ADGRF1: variants seen among roughly 807,000 people sequenced by gnomAD.
ADGRF1 encodes the protein G protein-coupled receptor 110.
In ADGRF1, 85 loss-of-function variants were observed where a neutral mutation model predicts 87.2. The observed-to-expected ratio is 0.97, with a 90% CI of 0.82 to 1.17. The LOEUF (loss-of-function observed/expected upper bound fraction) is 1.17. ADGRF1 is among the 50% of genes most tolerant of loss of function. The pLI, the probability that ADGRF1 is intolerant of heterozygous loss-of-function variation, is 0.00. For missense variants in ADGRF1, 1,169 were observed against 1,077.2 expected (o/e 1.09, Z -1.19); for synonymous variants, 430 against 408.8 (o/e 1.05, Z -0.63).
chr6:47,014,672 A>C lies in ADGRF1; in HGVS notation c.927+9T>G, dbSNP rs1432848070. On this transcript the variant is annotated intron_variant, in intron 9 of 14. Coordinates refer to ENST00000371253, the MANE Select transcript of ADGRF1 (RefSeq NM_153840.4). ...ACCAGGGCAAGTCTACACAGTGAAAATGCCTCACCTTGTTCAGTTCTTCAA... is the reference window on the plus strand; with the variant it reads ...ACCAGGGCAAGTCTACACAGTGAAACTGCCTCACCTTGTTCAGTTCTTCAA... 1 of 1,612,636 alleles carries C rather than the reference A, an allele frequency of 6.2e-7. No homozygotes were observed. The highest frequency in any genetic ancestry group is 1.1e-5 in the South Asian group (1 of 90,824).
At chr6:47,020,898 G>C (rs1219015651) in intron 6 of ADGRF1, 109 bp from the exon 7 acceptor site, 1 of 801,368 alleles carries the variant, frequency 1.2e-6, no homozygotes, top group African/African-American at 1.7e-5. Flanking sequence ...TAGCAAAGGA[G>C]CAAAGAAAAG....
Position 47,009,084 on chromosome 6 carries a change from G to A in ADGRF1, c.2351C>T (p.Ala784Val). Residue 784 changes from alanine to valine, a missense_variant, in exon 11 of 15, where the codon GCC (alanine) becomes GTC (valine). By Grantham distance (64) the Ala-to-Val change is moderately conservative. Transcript: ENST00000371253. ...VGERLSRDDKATIIRVGKSLL... is the reference protein window; with the variant it reads ...VGERLSRDDKVTIIRVGKSLL... Reference sequence around the variant, plus strand: ...GCTCTTCCCCACGCGGATGATGGTGGCCTTGTCATCCCGACTCAGTCTTTC... The same window carrying A: ...GCTCTTCCCCACGCGGATGATGGTGACCTTGTCATCCCGACTCAGTCTTTC... The A allele has an allele frequency of 6.2e-7, 1 of 1,614,050 alleles. No individual in the cohort carries two copies. Among genetic ancestry groups the A allele is most frequent in the Non-Finnish European group, 8.5e-7 (1 of 1,180,002 alleles).
At position 47,009,072 on chromosome 6, in the gene ADGRF1, C is replaced by CGGAT. The variant is rs780186667; in HGVS notation, c.2359_2362dup (p.Arg788HisfsTer58). 6.2e-7 allele frequency: 1 copy of CGGAT among 1,614,078 alleles called. No homozygotes were observed. The highest frequency in any genetic ancestry group is 1.7e-5 in the Admixed American group (1 of 60,006). On this transcript the variant is annotated frameshift_variant, in exon 11 of 15. Transcript: ENST00000371253. LOFTEE classifies it high-confidence loss of function. ...CAGAATGAGGAGGCTCTTCCCCACGCGGATGATGGTGGCCTTGTCATCCCG... is the reference window on the plus strand; with the variant it reads ...CAGAATGAGGAGGCTCTTCCCCACGCGGATGGATGATGGTGGCCTTGTCATCCCG...
chr6:47,011,640 G>A (rs1028510024), intron 10 of ADGRF1, among the ~76,000 whole-genome samples: 2 of 152,166 alleles, frequency 1.3e-5, no homozygotes, highest in African/African-American at 4.8e-5. Context: ...GTTGAGAGAA[G>A]GTGTTATGAA....
chr6:47,032,449 T>C (rs1402246278), intron 1 of ADGRF1, among the ~76,000 whole-genome samples: 1 of 152,240 alleles, frequency 6.6e-6, no homozygotes, highest in Non-Finnish European at 1.5e-5. Flanking sequence ...TCTAAAATTA[T>C]TTGTGTCTTA....
rs149395001 is a variant in ADGRF1, at chr6:47,012,180, C to T, written c.943G>A (p.Val315Ile). 3 of 1,608,956 alleles carry T rather than the reference C, an allele frequency of 1.9e-6. No homozygotes were observed. The African/African-American group carries it at 4.0e-5, about 21-fold the overall frequency. The change falls in exon 10 of 15, where the codon GTA (valine) becomes ATA (isoleucine). Residue 315 changes from valine (V) to isoleucine (I), a missense_variant. Coordinates refer to ENST00000371253, the MANE Select transcript of ADGRF1 (RefSeq NM_153840.4). ...EELNKNFSMI[V>I]GNATEAAVSS... ...ACAGCTGCCTCAGTGGCATTGCCTA[C>T]AATCATACTGAAATTCTAGAAGCGA...
intron 5 of ADGRF1, among the ~76,000 whole-genome samples, chr6:47,023,464 A>G (rs1780128813): frequency 6.6e-6 from 1 of 152,200 alleles, no homozygotes; most frequent in Non-Finnish European, 1.5e-5. Context: ...CCTGGAGTCC[A>G]TGTCATTTGG....
intron 1 of ADGRF1, among the ~76,000 whole-genome samples, chr6:47,038,587 G>T (rs1210998791): frequency 6.6e-6 from 1 of 152,120 alleles, no homozygotes; most frequent in Non-Finnish European, 1.5e-5. Flanking sequence ...ATTTCTTTGT[G>T]TTGGGAACAT....
rs1277924259 is a variant in ADGRF1, at chr6:47,037,585, G to A, written c.-44+4606C>T. On this transcript the variant is annotated intron_variant, in intron 1 of 14. Coordinates refer to ENST00000371253, the MANE Select transcript of ADGRF1 (RefSeq NM_153840.4). ...TGCCGTGCCATGATCATAGCTCACT[G>A]TAGCCCCATCCTGGGCTCAAATGAT... Among the ~76,000 whole-genome samples the A allele has an allele frequency of 2.0e-5, 3 of 152,154 alleles. No homozygotes were observed. The East Asian group carries it at 5.8e-4, about 29-fold the overall frequency.
chr6:47,006,757 T>C (rs958401657), intron 12 of ADGRF1, among the ~76,000 whole-genome samples: 5 of 152,204 alleles, frequency 3.3e-5, no homozygotes, highest in Admixed American at 1.3e-4. Context: ...ATCACCCACT[T>C]ATGAGTGAAA....
chr6:47,034,023 G>A (rs1254712873), intron 1 of ADGRF1, among the ~76,000 whole-genome samples: 8 of 152,304 alleles, frequency 5.3e-5, no homozygotes, highest in Non-Finnish European at 1.2e-4. Flanking sequence ...TTGTAAACAC[G>A]TTTTATATTT....
rs199957615 is a variant in ADGRF1, at chr6:47,029,098, T to C, written c.-37A>G. ...TGAACAGCAGCAGTCGGGTGCATAG[T>C]CTGTGACTAAACAAGCAGGGTACCA... is the stretch of plus-strand genomic sequence containing the variant. On this transcript the variant is annotated 5_prime_UTR_variant, in exon 2 of 15. Coordinates refer to ENST00000371253, the MANE Select transcript of ADGRF1 (RefSeq NM_153840.4). 654 of 1,553,990 alleles carry C rather than the reference T, an allele frequency of 4.2e-4. 1 individual carries two copies. The highest frequency in any genetic ancestry group is 5.3e-4 in the Non-Finnish European group (597 of 1,125,260).
chr6:47,008,987 A>G lies in ADGRF1; in HGVS notation c.2448T>C (p.Asn816=), dbSNP rs1779609405. The change falls in exon 11 of 15, where the codon AAT becomes AAC. Residue 816 remains asparagine, a synonymous_variant. Coordinates refer to ENST00000371253, the MANE Select transcript of ADGRF1 (RefSeq NM_153840.4). ...AAGCAAAAATAACATGCCAAGCCAG[A>G]TTCTGGCTGTCCACTATTGTTCCTA... The part of the protein sequence containing the change: ...FGIGTIVDSQ[N]LAWHVIFALL... 1.2e-6 allele frequency: 2 copies of G among 1,610,336 alleles called. No individual in the cohort carries two copies. The highest frequency in any genetic ancestry group is 1.7e-6 in the Non-Finnish European group (2 of 1,177,344).
chr6:47,019,527 C>A (rs909611808), intron 7 of ADGRF1: 1 of 334,288 alleles, frequency 3.0e-6, no homozygotes, highest in Non-Finnish European at 4.2e-6. Context: ...ACGAAAAATA[C>A]AAAAAAATTA....
At chr6:47,013,549 C>G (rs1779771127) in intron 9 of ADGRF1, 2 of 985,392 alleles carry the variant, frequency 2.0e-6, no homozygotes, top group Non-Finnish European at 2.4e-6. Flanking sequence ...TGGGGTCCTT[C>G]TTTTCTGTGA....
At chr6:47,019,193 T>A (rs897783369) in intron 7 of ADGRF1, 14 of 704,704 alleles carry the variant, frequency 2.0e-5, no homozygotes, top group Middle Eastern at 7.2e-4. Context: ...TGATAGAATA[T>A]AAATTAGAAG....
intron 9 of ADGRF1, chr6:47,014,194 T>C (rs1354189897): frequency 1.1e-6 from 1 of 948,858 alleles, no homozygotes; most frequent in Non-Finnish European, 1.3e-6. Context: ...ATGAGGTTGG[T>C]AAACCAGATG....
intron 5 of ADGRF1, among the ~76,000 whole-genome samples, chr6:47,023,078 T>C (rs187434262): frequency 1.3e-5 from 2 of 152,246 alleles, no homozygotes; most frequent in African/African-American, 2.4e-5. Context: ...GGCTTCCAAA[T>C]TGCTAGGATT....
chr6:47,033,362 T>C (rs1780491076), intron 1 of ADGRF1, among the ~76,000 whole-genome samples: 1 of 152,232 alleles, frequency 6.6e-6, no homozygotes, highest in South Asian at 2.1e-4. Context: ...TTCAGTTATA[T>C]ACTTACGGAC....
Sources: gnomAD v4.1 joint callset for allele counts (sites outside exome capture counted in the v4.1 genomes callset) on GRCh38, gnomAD v4.1.1 for gene constraint, MANE v1.5 for transcripts, NCBI Gene and HGNC (gene_info 2026-07-23, HGNC 2026-07-21) for gene names.